Variants in RNF31 observed in about 807,000 individuals in gnomAD.
The protein encoded by RNF31 is E3 ubiquitin-protein ligase RNF31.
In RNF31, 38 loss-of-function variants were observed where a neutral mutation model predicts 133.6. The ratio of observed to expected loss-of-function variants is 0.28; its 90% CI spans 0.22 to 0.37. RNF31 has a LOEUF of 0.37. RNF31 is among the 10% of genes least tolerant of loss of function. The pLI is 1.00. For synonymous variants in RNF31, 582 were observed against 552.3 expected (o/e 1.05, Z -0.75); for missense variants, 1,118 against 1,394.1 (o/e 0.80, Z 3.15).
Position 24,149,557 on chromosome 14 carries a change from C to T in RNF31, c.783C>T (p.Val261=). The T allele has an allele frequency of 6.2e-7, 1 of 1,614,074 alleles. No individual in the cohort carries two copies. Among genetic ancestry groups the T allele is most frequent in the East Asian group, 2.2e-5 (1 of 44,884 alleles). ...AHHLRQTLPG[V]LQGTHLSPSL... is the part of the protein sequence containing the mutation. ...ACCTCCGCCAGACCCTGCCTGGGGTCCTGCAGGGTACCCACCTGAGCCCCA... is the reference window on the plus strand; with the variant it reads ...ACCTCCGCCAGACCCTGCCTGGGGTTCTGCAGGGTACCCACCTGAGCCCCA... Residue 261 remains valine (V), a synonymous_variant, in exon 6 of 21, where the codon GTC becomes GTT. Coordinates refer to ENST00000324103, the MANE Select transcript of RNF31 (RefSeq NM_017999.5).
Position 24,151,817 on chromosome 14 carries a change from C to T in RNF31, c.1955C>T (p.Ala652Val). 6.2e-7 allele frequency: 1 copy of T among 1,613,270 alleles called. No homozygotes were observed. The highest frequency in any genetic ancestry group is 8.5e-7 in the Non-Finnish European group (1 of 1,179,568). The change falls in exon 11 of 21, where the codon GCA becomes GTA. Residue 652 changes from alanine to valine, a missense_variant. Coordinates refer to ENST00000324103, the MANE Select transcript of RNF31 (RefSeq NM_017999.5). This position sits in a 1 kb window ranked among gnomAD's most constrained non-coding sequence, Gnocchi z 5.3. ...GTCAGGCGGCTTTTGGCAGTCTACG[C>T]ACTCCCCAGCTGGGGCCGGGCAGAG... The part of the protein sequence containing the change: ...SLVRRLLAVY[A>V]LPSWGRAELA...
Position 24,155,439 on chromosome 14 carries a change from C to T in RNF31, c.2330C>T (p.Ala777Val). Reference protein sequence around the residue: ...IQLRESLEPDAYALFHKKLTE... With the variant: ...IQLRESLEPDVYALFHKKLTE... ...CTTCGCGAGAGCCTAGAGCCAGATG[C>T]CTATGCGTTGTTCCATAAGAAGCTG... Residue 777 changes from alanine to valine, a missense_variant, in exon 13 of 21, where the codon GCC becomes GTC. This residue lies in a region of RNF31 where 201 missense variants were observed against 371.7 expected (regional missense o/e 0.54). Transcript: ENST00000324103. The surrounding 1 kb of genome is among the most constrained non-coding windows in gnomAD (Gnocchi z 4.9). 1.9e-6 allele frequency: 3 copies of T among 1,614,226 alleles called. No individual in the cohort carries two copies. The highest frequency in any genetic ancestry group is 2.5e-6 in the Non-Finnish European group (3 of 1,180,038).
At chr14:24,159,687 A>T (rs1430630729) in intron 18 of RNF31, 177 bp from the exon 19 acceptor site, 3 of 571,552 alleles carry the variant, frequency 5.2e-6, no homozygotes, top group Non-Finnish European at 9.5e-6. Context: ...CCTCTGTATC[A>T]GATGGTCTGC....
intron 6 of RNF31, 116 bp downstream of exon 6, chr14:24,149,699 G>A (rs1313349171): frequency 3.8e-6 from 4 of 1,046,760 alleles, no homozygotes; most frequent in Admixed American, 5.1e-5. Flanking sequence ...CAAGTAGCCA[G>A]TCAGAACCCT....
chr14:24,157,891 C>G lies in RNF31; in HGVS notation c.2728-7C>G, dbSNP rs891147786. 2 of 1,612,506 alleles carry G rather than the reference C, an allele frequency of 1.2e-6. No homozygotes were observed. Among genetic ancestry groups the G allele is most frequent in the African/African-American group, 1.3e-5 (1 of 74,880 alleles). The stretch of plus-strand genomic sequence containing the variant: ...AACTTCCTCTCTCCCATCTGGGTTT[C>G]TGCCAGAAATGTCCAGAGCCTAACT... On this transcript the variant is annotated splice_polypyrimidine_tract_variant and splice_region_variant and intron_variant, in intron 16 of 20. Transcript: ENST00000324103.
chr14:24,149,268 GT>G, intron 5 of RNF31, 137 bp from the exon 6 acceptor site: 1 of 954,286 alleles, frequency 1.0e-6, no homozygotes, highest in Non-Finnish European at 1.5e-6. Flanking sequence ...CGGCCTCTTT[GT>G]TTTTTAAAAG....
At position 24,159,851 on chromosome 14, in the gene RNF31, C is replaced by T. The variant is rs115115496; in HGVS notation, c.2900-13C>T. On this transcript the variant is annotated splice_polypyrimidine_tract_variant and intron_variant, in intron 18 of 20. Coordinates refer to ENST00000324103, the MANE Select transcript of RNF31 (RefSeq NM_017999.5). Reference sequence around the variant, plus strand: ...GCCTCCCAACAGAGGCTCCCTTCTTCCCTCACCTTTAGGCGGCTGCCGAGT... The same window carrying T: ...GCCTCCCAACAGAGGCTCCCTTCTTTCCTCACCTTTAGGCGGCTGCCGAGT... The T allele has an allele frequency of 1.8e-3, 2,852 of 1,610,208 alleles. 29 individuals are homozygous for T. In the African/African-American group the frequency reaches 0.026, roughly 14 times the overall value.
intron 14 of RNF31, among the ~76,000 whole-genome samples, chr14:24,156,989 G>C (rs536603051): frequency 1.6e-4 from 25 of 152,216 alleles, no homozygotes; most frequent in African/African-American, 5.8e-4. Context: ...ACTAGTAACC[G>C]AGGCAAGCAA....
rs761228055 is a variant in RNF31, at chr14:24,157,887, G to T, written c.2728-11G>T. On this transcript the variant is annotated splice_polypyrimidine_tract_variant and intron_variant, in intron 16 of 20. Transcript: ENST00000324103. ...CTCCAACTTCCTCTCTCCCATCTGG[G>T]TTTCTGCCAGAAATGTCCAGAGCCT... 1 of 1,611,900 alleles carries T rather than the reference G, an allele frequency of 6.2e-7. No individual in the cohort carries two copies. Among genetic ancestry groups the T allele is most frequent in the Non-Finnish European group, 8.5e-7 (1 of 1,178,710 alleles).
In RNF31 at chr14:24,155,743, C is replaced by T. The variant is rs1438829216; in HGVS notation, c.2493+51C>T. The T allele has an allele frequency of 6.6e-7, 1 of 1,508,952 alleles. No individual in the cohort carries two copies. Among genetic ancestry groups the T allele is most frequent in the Non-Finnish European group, 9.2e-7 (1 of 1,087,302 alleles). 93.5% of individuals were successfully genotyped at this position (1,508,952 alleles called of 1,614,324 possible). A position where few individuals can be genotyped will look rare whatever the true frequency, so the allele number is the denominator to read the frequency against. ...ATACTTGCTGAGCTACTGCCAGGTA[C>T]TGTGTTAGACTCAGGGGAGTTTGTG... On this transcript the variant is annotated intron_variant, in intron 14 of 20. Coordinates refer to ENST00000324103, the MANE Select transcript of RNF31 (RefSeq NM_017999.5). This position sits in a 1 kb window ranked among gnomAD's most constrained non-coding sequence, Gnocchi z 4.9.
rs995901995 is a variant in RNF31, at chr14:24,155,704, T to A, written c.2493+12T>A. ...GCTGCAAGCGCCAGGTGAGGCACAT[T>A]CATCCTTTCAGAAATACTTGCTGAG... On this transcript the variant is annotated intron_variant, in intron 14 of 20. Coordinates refer to ENST00000324103, the MANE Select transcript of RNF31 (RefSeq NM_017999.5). The surrounding 1 kb of genome is among the most constrained non-coding windows in gnomAD (Gnocchi z 4.9). The A allele has an allele frequency of 5.6e-6, 9 of 1,611,786 alleles. No individual in the cohort carries two copies. The highest frequency in any genetic ancestry group is 1.3e-5 in the African/African-American group (1 of 75,010).
intron 11 of RNF31, 51 bp downstream of exon 11, chr14:24,152,043 A>G (rs1157816720): frequency 1.3e-6 from 2 of 1,538,754 alleles, no homozygotes; most frequent in Admixed American, 1.8e-5. Flanking sequence ...ATTCTTTTGG[A>G]CCCCCATCCT....
Position 24,155,543 on chromosome 14 carries a change from G to A in RNF31, c.2403+31G>A, listed in dbSNP as rs1266143987. 2.5e-6 allele frequency: 4 copies of A among 1,613,348 alleles called. No individual in the cohort carries two copies. In the African/African-American group the frequency reaches 4.0e-5, roughly 16 times the overall value. ...TGGCCTGCCCAGGGCAGCTACTGTG[G>A]AGGGGCAGGGGATGGTTCCAGGTCA... is the stretch of plus-strand genomic sequence containing the variant. On this transcript the variant is annotated intron_variant, in intron 13 of 20. Transcript: ENST00000324103. The surrounding 1 kb of genome is among the most constrained non-coding windows in gnomAD (Gnocchi z 4.9).
At chr14:24,153,603 T>A (rs1247810089) in intron 11 of RNF31, among the ~76,000 whole-genome samples, 1 of 148,660 alleles carries the variant, frequency 6.7e-6, no homozygotes, top group Admixed American at 6.7e-5. Flanking sequence ...TTAAAAAAAA[T>A]AATAAAATAC....
chr14:24,152,004 C>A lies in RNF31; in HGVS notation c.2130+12C>A. 6.2e-7 allele frequency: 1 copy of A among 1,612,084 alleles called. No homozygotes were observed. Among genetic ancestry groups the A allele is most frequent in the African/African-American group, 1.3e-5 (1 of 75,008 alleles). On this transcript the variant is annotated intron_variant, in intron 11 of 20. Coordinates refer to ENST00000324103, the MANE Select transcript of RNF31 (RefSeq NM_017999.5). ...TGCCCCACAACCGGGTAAGTCCCTC[C>A]CCACGATACCTGGTCCAAGAATTAC... is the stretch of plus-strand genomic sequence containing the variant.
In RNF31 at chr14:24,147,906, G is replaced by T; in HGVS notation, c.192+16G>T. ...TCATGGGGAGGTGAGGCCCGGCCCC[G>T]CTTGGAAGGGGGACACCAGGGCCTG... On this transcript the variant is annotated intron_variant, in intron 1 of 20. Transcript: ENST00000324103. 1 of 1,612,290 alleles carries T rather than the reference G, an allele frequency of 6.2e-7. No homozygotes were observed.
rs1216780291 is a variant in RNF31, at chr14:24,151,868, C to T, written c.2006C>T (p.Thr669Ile). Reference protein sequence around the residue: ...AELALSLLQETPRNYELGDVV... With the variant: ...AELALSLLQEIPRNYELGDVV... ...CTGGCACTGTCACTGCTGCAGGAGA[C>T]ACCCAGGAACTATGAGTTGGGGGAT... The change falls in exon 11 of 21, where the codon ACA (threonine) becomes ATA (isoleucine). Residue 669 changes from threonine (T) to isoleucine (I), a missense_variant. Coordinates refer to ENST00000324103, the MANE Select transcript of RNF31 (RefSeq NM_017999.5). The surrounding 1 kb of genome is among the most constrained non-coding windows in gnomAD (Gnocchi z 5.3). 7.4e-6 allele frequency: 12 copies of T among 1,614,190 alleles called. No homozygotes were observed. The highest frequency in any genetic ancestry group is 1.0e-5 in the Non-Finnish European group (12 of 1,180,036).
chr14:24,157,674 G>C (rs543111280), intron 16 of RNF31, 36 bp downstream of exon 16: 6 of 1,569,076 alleles, frequency 3.8e-6, no homozygotes, highest in South Asian at 1.1e-5. Context: ...GTGGAAGGGT[G>C]GGGGGTGCCA....
At position 24,149,526 on chromosome 14, in the gene RNF31, C is replaced by T. The variant is rs761330937; in HGVS notation, c.752C>T (p.Ala251Val). The change falls in exon 6 of 21, where the codon GCT (alanine) becomes GTT (valine). Residue 251 changes from alanine (A) to valine (V), a missense_variant. Ala to Val is a moderately conservative substitution (Grantham distance 64). Around this residue, in one of 3 missense-constraint regions of RNF31, gnomAD observed 747 missense variants for 827.9 expected, o/e 0.90. Coordinates refer to ENST00000324103, the MANE Select transcript of RNF31 (RefSeq NM_017999.5). Reference sequence around the variant, plus strand: ...CTGTTCCATGGACACCCATCCCGTGCTCATCACCTCCGCCAGACCCTGCCT... The same window carrying T: ...CTGTTCCATGGACACCCATCCCGTGTTCATCACCTCCGCCAGACCCTGCCT... ...DHLFHGHPSR[A>V]HHLRQTLPGV... The T allele has an allele frequency of 2.0e-5, 33 of 1,614,034 alleles. No homozygotes were observed. Among genetic ancestry groups the T allele is most frequent in the Admixed American group, 8.3e-5 (5 of 59,998 alleles).
Sources: allele counts gnomAD v4.1 joint callset (sites outside exome capture counted in the v4.1 genomes callset), GRCh38; gene constraint gnomAD v4.1.1; regional missense constraint gnomAD v4.1.1; non-coding constraint Gnocchi (gnomAD v3.1); transcripts MANE v1.5; gene names NCBI Gene and HGNC (gene_info 2026-07-23, HGNC 2026-07-21).